The following TBC1D1 variants were observed in gnomAD, a reference collection of about 807,000 sequenced individuals.
TBC1D1 encodes TBC1 (tre-2/USP6, BUB2, cdc16) domain family, member 1.
TBC1D1 carries 89 observed loss-of-function variants against 125.6 expected under a neutral mutation model. The observed-to-expected ratio is 0.71, with a 90% confidence interval of 0.60 to 0.85. The LOEUF is 0.85. Among genes scored for constraint, TBC1D1 ranks in the 40% least tolerant of loss-of-function variants. The pLI is 0.00. For missense variants in TBC1D1, 1,377 were observed against 1,469.2 expected (o/e 0.94, Z 1.03); for synonymous variants, 565 against 564.1 (o/e 1.00, Z -0.02).
intron 12 of TBC1D1, among the ~76,000 whole-genome samples, chr4:38,076,477 G>A (rs559035468): frequency 4.6e-5 from 7 of 152,236 alleles, no homozygotes; most frequent in African/African-American, 1.4e-4. Flanking sequence ...TCCCGCACCC[G>A]TCTTCTGAGC....
chr4:38,003,970 C>G (rs189961376), intron 2 of TBC1D1, among the ~76,000 whole-genome samples: 13 of 151,902 alleles, frequency 8.6e-5, no homozygotes, highest in Non-Finnish European at 1.5e-5. Flanking sequence ...CTATGCTAAA[C>G]TTTCATATTT....
At chr4:37,968,350 G>A (rs1464172363) in intron 2 of TBC1D1, among the ~76,000 whole-genome samples, 2 of 152,246 alleles carry the variant, frequency 1.3e-5, no homozygotes, top group Admixed American at 1.3e-4. Context: ...TTTCTGGTGG[G>A]ACTGCAGCCA....
intron 15 of TBC1D1, among the ~76,000 whole-genome samples, chr4:38,113,042 C>T (rs767444787): frequency 4.7e-4 from 71 of 152,242 alleles, no homozygotes; most frequent in Middle Eastern, 3.4e-3. Context: ...ACATACCACT[C>T]GGTAGCAAGG....
intron 14 of TBC1D1, among the ~76,000 whole-genome samples, chr4:38,097,500 C>T (rs769858656): frequency 4.6e-5 from 7 of 152,030 alleles, no homozygotes; most frequent in Admixed American, 3.3e-4. Flanking sequence ...CCACCATGCC[C>T]GGGTAAATTT....
chr4:37,908,022 G>C (rs1166573926), intron 2 of TBC1D1, among the ~76,000 whole-genome samples: 1 of 152,146 alleles, frequency 6.6e-6, no homozygotes, highest in Non-Finnish European at 1.5e-5. Flanking sequence ...GTTAGGCTGG[G>C]GCTTCTGACA....
intron 15 of TBC1D1, among the ~76,000 whole-genome samples, chr4:38,103,797 T>G (rs1424275537): frequency 1.3e-5 from 2 of 152,154 alleles, no homozygotes; most frequent in Non-Finnish European, 2.9e-5. Context: ...TTTTAAAATA[T>G]AGTAACTATC....
intron 2 of TBC1D1, among the ~76,000 whole-genome samples, chr4:37,914,841 G>T (rs112723498): frequency 6.6e-6 from 1 of 152,196 alleles, no homozygotes; most frequent in Non-Finnish European, 1.5e-5. Context: ...CTGGAAGCAT[G>T]GCTGCTTCCT....
At chr4:37,956,489 A>G (rs556108838) in intron 2 of TBC1D1, among the ~76,000 whole-genome samples, 284 of 152,308 alleles carry the variant, frequency 1.9e-3, no homozygotes, top group Middle Eastern at 6.8e-3. Flanking sequence ...CTCAATACAT[A>G]TTGAATGTGA....
At chr4:37,985,146 G>T (rs377410957) in intron 2 of TBC1D1, among the ~76,000 whole-genome samples, 134 of 152,060 alleles carry the variant, frequency 8.8e-4, no homozygotes, top group African/African-American at 2.8e-3. Context: ...GTAGAGACGG[G>T]GTTTCACCAT....
chr4:38,031,267 A>G (rs1746075854), intron 7 of TBC1D1, among the ~76,000 whole-genome samples: 1 of 152,246 alleles, frequency 6.6e-6, no homozygotes, highest in Non-Finnish European at 1.5e-5. Context: ...AATACTGACT[A>G]GATAAATCAA....
chr4:38,105,721 A>G (rs1206674912), intron 15 of TBC1D1, among the ~76,000 whole-genome samples: 1 of 152,184 alleles, frequency 6.6e-6, no homozygotes, highest in African/African-American at 2.4e-5. Context: ...TAGTTTGCTT[A>G]GGGTAATGAC....
intron 2 of TBC1D1, among the ~76,000 whole-genome samples, chr4:37,917,630 G>T (rs1282473303): frequency 6.6e-6 from 1 of 152,152 alleles, no homozygotes; most frequent in African/African-American, 2.4e-5. Context: ...CAGGGAATTG[G>T]ACTAACTGTG....
intron 18 of TBC1D1, among the ~76,000 whole-genome samples, chr4:38,129,666 A>G (rs1177524657): frequency 4.6e-5 from 7 of 152,202 alleles, no homozygotes; most frequent in Non-Finnish European, 8.8e-5. Context: ...ATCAGTGTCC[A>G]TGGACTGTGA....
chr4:38,117,337 G>A (rs952409200), intron 16 of TBC1D1, among the ~76,000 whole-genome samples: 10 of 152,000 alleles, frequency 6.6e-5, no homozygotes, highest in African/African-American at 2.4e-4. Flanking sequence ...GCTGGCTCTC[G>A]GGCCTCTGTG....
rs552352888 is a variant in TBC1D1, at chr4:37,894,822, G to C, written c.-94+3474G>C. Among the ~76,000 whole-genome samples, 13 of 152,246 alleles carry C rather than the reference G, an allele frequency of 8.5e-5. 1 individual carries two copies. In the South Asian group the frequency reaches 2.3e-3, roughly 27 times the overall value. On this transcript the variant is annotated intron_variant, in intron 1 of 19. Coordinates refer to ENST00000261439, the MANE Select transcript of TBC1D1 (RefSeq NM_015173.4). ...GCTAATCCACTAGAAAGATATTTGA[G>C]GGTTATTCCCATCTAAAGATCTATG...
At chr4:37,996,598 G>C (rs1485593500) in intron 2 of TBC1D1, among the ~76,000 whole-genome samples, 3 of 152,248 alleles carry the variant, frequency 2.0e-5, no homozygotes, top group African/African-American at 7.2e-5. Flanking sequence ...TTTTACTCAA[G>C]AATGCAGTTA....
intron 17 of TBC1D1, among the ~76,000 whole-genome samples, chr4:38,122,277 T>C (rs1763976580): frequency 6.6e-6 from 1 of 152,124 alleles, no homozygotes; most frequent in Admixed American, 6.5e-5. Context: ...TGCACTGACC[T>C]AGTGAGAAAA....
intron 2 of TBC1D1, among the ~76,000 whole-genome samples, chr4:37,912,524 C>T (rs59728587): frequency 0.018 from 2,678 of 152,200 alleles, 84 homozygotes; most frequent in African/African-American, 0.061. Flanking sequence ...GTTGGACAGT[C>T]CCCTGAAAAA....
At chr4:38,089,822 ATAT>A (rs1348131728) in intron 12 of TBC1D1, 107 bp from the exon 15 acceptor site, 36 of 1,138,574 alleles carry the variant, frequency 3.2e-5, no homozygotes, top group Non-Finnish European at 4.4e-5. Flanking sequence ...AAATTTGGTG[ATAT>A]TATTATATTT....
Sources: gnomAD v4.1 joint callset for allele counts (sites outside exome capture counted in the v4.1 genomes callset) on GRCh38, gnomAD v4.1.1 for gene constraint, MANE v1.5 for transcripts, NCBI Gene and HGNC (gene_info 2026-07-23, HGNC 2026-07-21) for gene names.